The following MAGEC1 variants were observed in gnomAD, a reference collection of about 807,000 sequenced individuals.
MAGEC1 encodes MAGE family member C1.
MAGEC1 carries 3 observed loss-of-function variants against 1.5 expected under a neutral mutation model. That is an observed-to-expected ratio of 1.97 (90% CI 0.90 to 5.10). The LOEUF (loss-of-function observed/expected upper bound fraction) is 5.10. MAGEC1 is among the 30% of genes most tolerant of loss of function. The pLI is 0.02. For missense variants in MAGEC1, 985 were observed against 803.1 expected (o/e 1.23, Z -2.74); for synonymous variants, 357 against 310.4 (o/e 1.15, Z -1.58).
rs1337859042 is a variant in MAGEC1, at chrX:141,909,313, A to G, written c.*480A>G. ...TCTGTTGTTCTTGAAAACTAAAGAT[A>G]CATACCTGGTTTGCTTGGCTTACGT... On this transcript the variant is annotated 3_prime_UTR_variant, in exon 4 of 4. Transcript: ENST00000285879. 1 of 113,776 alleles carries G rather than the reference A, an allele frequency of 8.8e-6. No individual in the cohort carries two copies. Among genetic ancestry groups the G allele is most frequent in the Non-Finnish European group, 1.8e-5 (1 of 54,286 alleles). 9.4% of individuals were successfully genotyped at this position (113,776 alleles called of 1,213,427 possible). A position where few individuals can be genotyped will look rare whatever the true frequency, so the allele number is the denominator to read the frequency against.
Position 141,906,910 on chromosome X carries a change from T to G in MAGEC1, c.1506T>G (p.Thr502=). The change falls in exon 4 of 4, where the codon ACT becomes ACG. Residue 502 remains threonine (T), a synonymous_variant. Transcript: ENST00000285879. ...TTTTCCAGAGTTCCCCTGAGTGTAC[T>G]CAAAGTACTTTTGAGGGTTTTCCCC... is the stretch of plus-strand genomic sequence containing the variant. ...LSLFQSSPEC[T]QSTFEGFPQS... is the part of the protein sequence containing the mutation. The G allele has an allele frequency of 8.3e-7, 1 of 1,211,891 alleles. No individual in the cohort carries two copies. Among genetic ancestry groups the G allele is most frequent in the South Asian group, 1.8e-5 (1 of 56,977 alleles).
rs769737571 is a variant in MAGEC1, at chrX:141,907,746, CCTT to C, written c.2348_2350del (p.Phe783del). ...TCTCCTCTCCAGAGACCTGTCAGCT[CCTT>C]CTTCTCCTACACTTTAGCGAGTCTT... On this transcript the variant is annotated inframe_deletion, in exon 4 of 4. Coordinates refer to ENST00000285879, the MANE Select transcript of MAGEC1 (RefSeq NM_005462.5). 3.0e-4 allele frequency: 361 copies of C among 1,207,436 alleles called. 5 individuals carry two copies. In the South Asian group the frequency reaches 5.8e-3, roughly 19 times the overall value.
chrX:141,906,231 T>C lies in MAGEC1; in HGVS notation c.827T>C (p.Phe276Ser), dbSNP rs75148863. ...SSLQIPVSPS[F>S]SSTLVSLFQS... ...CTCCAGATTCCTGTGAGCCCCTCCTTCTCCTCCACTTTAGTGAGTCTTTTC... is the reference window on the plus strand; with the variant it reads ...CTCCAGATTCCTGTGAGCCCCTCCTCCTCCTCCACTTTAGTGAGTCTTTTC... The change falls in exon 4 of 4, where the codon TTC becomes TCC. Residue 276 changes from phenylalanine to serine, a missense_variant. By Grantham distance (155) the Phe-to-Ser change is radical. Coordinates refer to ENST00000285879, the MANE Select transcript of MAGEC1 (RefSeq NM_005462.5). The C allele has an allele frequency of 0.034, 23,149 of 675,467 alleles. 4,031 individuals carry two copies. The highest frequency in any genetic ancestry group is 0.054 in the Middle Eastern group (126 of 2,323). The allele number at this position is 675,467 out of a possible 1,213,427, so 55.7% of individuals were successfully genotyped here. A position where few individuals can be genotyped will look rare whatever the true frequency, so the allele number is the denominator to read the frequency against.
In MAGEC1 at chrX:141,908,412, T is replaced by C. The variant is rs1417242888; in HGVS notation, c.3008T>C (p.Ile1003Thr). 8.3e-7 allele frequency: 1 copy of C among 1,209,267 alleles called. No individual in the cohort carries two copies. Among genetic ancestry groups the C allele is most frequent in the Non-Finnish European group, 1.1e-6 (1 of 895,020 alleles). ...TCCCAGAACCGCCTCCTGATTCTTA[T>C]TCTGAGTATCATCTTCATAAAGGGC... ...GMSQNRLLIL[I>T]LSIIFIKGTY... The change falls in exon 4 of 4, where the codon ATT (isoleucine) becomes ACT (threonine). Residue 1003 changes from isoleucine to threonine, a missense_variant. Transcript: ENST00000285879.
rs768878053 is a variant in MAGEC1, at chrX:141,904,956, G to C, written c.-103-14G>C. Reference sequence around the variant, plus strand: ...CAGCTGTGCCCCGAGGTGCTTTCTCGCGTCCTTCTACAGGTTCCCAGAAGA... The same window carrying C: ...CAGCTGTGCCCCGAGGTGCTTTCTCCCGTCCTTCTACAGGTTCCCAGAAGA... On this transcript the variant is annotated splice_polypyrimidine_tract_variant and intron_variant, in intron 2 of 3. Transcript: ENST00000285879. The C allele has an allele frequency of 2.7e-6, 3 of 1,103,991 alleles. No individual in the cohort carries two copies. Among genetic ancestry groups the C allele is most frequent in the Non-Finnish European group, 3.7e-6 (3 of 802,744 alleles). 91.0% of individuals were successfully genotyped at this position (1,103,991 alleles called of 1,213,427 possible). A position where few individuals can be genotyped will look rare whatever the true frequency, so the allele number is the denominator to read the frequency against.
rs1331653729 is a variant in MAGEC1 at position 141,905,750 on chromosome X, C to G, written c.346C>G (p.Gln116Glu). Residue 116 changes from glutamine (Q) to glutamate (E), a missense_variant, in exon 4 of 4, where the codon CAG (glutamine) becomes GAG (glutamate). Physicochemically the swap from Gln to Glu is conservative, Grantham distance 29. Coordinates refer to ENST00000285879, the MANE Select transcript of MAGEC1 (RefSeq NM_005462.5). Reference protein sequence around the residue: ...KDSLSPLEISQSPPEGEDVQS... With the variant: ...KDSLSPLEISESPPEGEDVQS... ...CTCCCTGTCTCCTCTAGAGATTTCT[C>G]AGAGCCCTCCTGAGGGTGAGGATGT... 8.3e-7 allele frequency: 1 copy of G among 1,211,983 alleles called. No homozygotes were observed. Among genetic ancestry groups the G allele is most frequent in the South Asian group, 1.8e-5 (1 of 57,027 alleles).
At position 141,905,679 on chromosome X, in the gene MAGEC1, C is replaced by A. The variant is rs370966857; in HGVS notation, c.275C>A (p.Thr92Asn). The A allele has an allele frequency of 4.1e-5, 50 of 1,209,015 alleles. No homozygotes were observed. In the African/African-American group the frequency reaches 7.5e-4, roughly 18 times the overall value. The change falls in exon 4 of 4, where the codon ACC becomes AAC. Residue 92 changes from threonine (T) to asparagine (N), a missense_variant. By Grantham distance (65) the Thr-to-Asn change is moderately conservative. Coordinates refer to ENST00000285879, the MANE Select transcript of MAGEC1 (RefSeq NM_005462.5). ...CAGAGTTCTCCTGAGGGCGACGACA[C>A]CCAGTCTCCTCTCCAGAATTCTCAG... ...IPQSSPEGDDTQSPLQNSQSS... is the reference protein window; with the variant it reads ...IPQSSPEGDDNQSPLQNSQSS...
Position 141,906,540 on chromosome X carries a change from C to G in MAGEC1, c.1136C>G (p.Pro379Arg), listed in dbSNP as rs760984005. 62 of 1,194,407 alleles carry G rather than the reference C, an allele frequency of 5.2e-5. No individual in the cohort carries two copies. The highest frequency in any genetic ancestry group is 2.4e-4 in the East Asian group (8 of 32,920). ...TCTCCTCTCCAGATTCCTGGGAGCC[C>G]CTCCTTCTCCTCCACTTTACTGAGT... is the stretch of plus-strand genomic sequence containing the variant. ...PQSPLQIPGS[P>R]SFSSTLLSLF... The change falls in exon 4 of 4, where the codon CCC becomes CGC. Residue 379 changes from proline (P) to arginine (R), a missense_variant. By Grantham distance (103) the Pro-to-Arg change is moderately radical. Transcript: ENST00000285879.
In MAGEC1 at chrX:141,905,507, C is replaced by T. The variant is rs2018174525; in HGVS notation, c.103C>T (p.Leu35Phe). 1 of 1,209,565 alleles carries T rather than the reference C, an allele frequency of 8.3e-7. No homozygotes were observed. The highest frequency in any genetic ancestry group is 1.7e-5 in the African/African-American group (1 of 57,168). Residue 35 changes from leucine to phenylalanine, a missense_variant, in exon 4 of 4, where the codon CTC becomes TTC. Physicochemically the swap from Leu to Phe is conservative, Grantham distance 22 (BLOSUM62 0). Transcript: ENST00000285879. ...CPEGEDSQSP[L>F]QIPQSSPESD... ...TGAGGGGGAGGACTCCCAGTCTCCTCTCCAGATTCCCCAGAGTTCTCCTGA... is the reference window on the plus strand; with the variant it reads ...TGAGGGGGAGGACTCCCAGTCTCCTTTCCAGATTCCCCAGAGTTCTCCTGA...
Position 141,908,432 on chromosome X carries a change from A to G in MAGEC1, c.3028A>G (p.Lys1010Glu). 8.3e-7 allele frequency: 1 copy of G among 1,210,538 alleles called. No individual in the cohort carries two copies. Among genetic ancestry groups the G allele is most frequent in the Non-Finnish European group, 1.1e-6 (1 of 895,097 alleles). Residue 1010 changes from lysine (K) to glutamate (E), a missense_variant, in exon 4 of 4, where the codon AAG becomes GAG. Transcript: ENST00000285879. ...TCTTATTCTGAGTATCATCTTCATA[A>G]AGGGCACCTATGCCTCTGAGGAGGT... ...LILILSIIFI[K>E]GTYASEEVIW... is the part of the protein sequence containing the mutation.
Position 141,905,416 on chromosome X carries a change from G to C in MAGEC1, c.12G>C (p.Lys4Asn). Residue 4 changes from lysine (K) to asparagine (N), a missense_variant, in exon 4 of 4, where the codon AAG (lysine) becomes AAC (asparagine). Lys to Asn is a moderately conservative substitution (Grantham distance 94). Coordinates refer to ENST00000285879, the MANE Select transcript of MAGEC1 (RefSeq NM_005462.5). MGD[K>N]DMPTAGMPSL... ...TGCTTCTGCGTTCTCCAGGGGACAA[G>C]GATATGCCTACTGCTGGGATGCCGA... is the stretch of plus-strand genomic sequence containing the variant. 8.3e-7 allele frequency: 1 copy of C among 1,209,843 alleles called. No homozygotes were observed. The highest frequency in any genetic ancestry group is 1.1e-6 in the Non-Finnish European group (1 of 894,253).
At position 141,908,776 on chromosome X, in the gene MAGEC1, G is replaced by T. The variant is rs771936699; in HGVS notation, c.3372G>T (p.Ser1124=). 3.3e-6 allele frequency: 4 copies of T among 1,207,961 alleles called. No individual in the cohort carries two copies. In the African/African-American group the frequency reaches 7.0e-5, roughly 21 times the overall value. The change falls in exon 4 of 4, where the codon TCG becomes TCT. Residue 1124 remains serine, a synonymous_variant. Transcript: ENST00000285879. ...AQAIIDTTDD[S]TATESASSSV... ...CCATAATTGACACCACAGATGATTC[G>T]ACTGCCACAGAAAGTGCAAGCTCCA...
chrX:141,907,805 C>T lies in MAGEC1; in HGVS notation c.2401C>T (p.Pro801Ser), dbSNP rs1296844911. ...AAGTTCCCATGAGAGTCCTCAGAGT[C>T]CTCCTGAGGGGCCTGCCCAGTCTCC... ...LQSSHESPQS[P>S]PEGPAQSPLQ... is the part of the protein sequence containing the mutation. The change falls in exon 4 of 4, where the codon CCT (proline) becomes TCT (serine). Residue 801 changes from proline (P) to serine (S), a missense_variant. Physicochemically the swap from Pro to Ser is moderately conservative, Grantham distance 74. Coordinates refer to ENST00000285879, the MANE Select transcript of MAGEC1 (RefSeq NM_005462.5). The T allele has an allele frequency of 8.3e-7, 1 of 1,207,994 alleles. No homozygotes were observed. Among genetic ancestry groups the T allele is most frequent in the Non-Finnish European group, 1.1e-6 (1 of 894,298 alleles).
chrX:141,905,273 G>C, intron 3 of MAGEC1, 136 bp from the exon 4 acceptor site: 1 of 831,456 alleles, frequency 1.2e-6, no homozygotes, highest in Non-Finnish European at 1.7e-6. Flanking sequence ...GTTGGTAGAT[G>C]CAGAGGATCC....
Position 141,906,224 on chromosome X carries a change from C to T in MAGEC1, c.820C>T (p.Pro274Ser), listed in dbSNP as rs146798989. 295 of 782,184 alleles carry T rather than the reference C, an allele frequency of 3.8e-4. 33 individuals carry two copies. Among genetic ancestry groups the T allele is most frequent in the South Asian group, 1.1e-3 (41 of 37,180 alleles). 64.5% of individuals were successfully genotyped at this position (782,184 alleles called of 1,213,427 possible). A position where few individuals can be genotyped will look rare whatever the true frequency, so the allele number is the denominator to read the frequency against. Residue 274 changes from proline to serine, a missense_variant, in exon 4 of 4, where the codon CCC (proline) becomes TCC (serine). Coordinates refer to ENST00000285879, the MANE Select transcript of MAGEC1 (RefSeq NM_005462.5). ...GTCTTCTCTCCAGATTCCTGTGAGCCCCTCCTTCTCCTCCACTTTAGTGAG... is the reference window on the plus strand; with the variant it reads ...GTCTTCTCTCCAGATTCCTGTGAGCTCCTCCTTCTCCTCCACTTTAGTGAG... The part of the protein sequence containing the change: ...AQSSLQIPVS[P>S]SFSSTLVSLF...
Position 141,908,186 on chromosome X carries a change from C to T in MAGEC1, c.2782C>T (p.Pro928Ser). 1 of 1,211,740 alleles carries T rather than the reference C, an allele frequency of 8.3e-7. No homozygotes were observed. Among genetic ancestry groups the T allele is most frequent in the Non-Finnish European group, 1.1e-6 (1 of 895,536 alleles). Reference sequence around the variant, plus strand: ...TCTCCTCAAATATCAAGTGAAGCAGCCTATCACAAAGGCAGAGATGCTGAC... The same window carrying T: ...TCTCCTCAAATATCAAGTGAAGCAGTCTATCACAAAGGCAGAGATGCTGAC... ...FLLLKYQVKQ[P>S]ITKAEMLTNV... is the part of the protein sequence containing the mutation. The change falls in exon 4 of 4, where the codon CCT (proline) becomes TCT (serine). Residue 928 changes from proline to serine, a missense_variant. Coordinates refer to ENST00000285879, the MANE Select transcript of MAGEC1 (RefSeq NM_005462.5).
rs1926967309 is a variant in MAGEC1, at chrX:141,907,311, C to T, written c.1907C>T (p.Thr636Ile). The T allele has an allele frequency of 2.5e-6, 3 of 1,206,655 alleles. No individual in the cohort carries two copies. Among genetic ancestry groups the T allele is most frequent in the African/African-American group, 3.6e-5 (2 of 56,044 alleles). The change falls in exon 4 of 4, where the codon ACT (threonine) becomes ATT (isoleucine). Residue 636 changes from threonine to isoleucine, a missense_variant. Thr to Ile is a moderately conservative substitution (Grantham distance 89). Coordinates refer to ENST00000285879, the MANE Select transcript of MAGEC1 (RefSeq NM_005462.5). ...CCTGTGAGCATCTGCTCCTCCTCCACTCCATCCAGTCTTCCCCAGAGTTTC... is the reference window on the plus strand; with the variant it reads ...CCTGTGAGCATCTGCTCCTCCTCCATTCCATCCAGTCTTCCCCAGAGTTTC... The part of the protein sequence containing the change: ...QSPVSICSSS[T>I]PSSLPQSFPE...
chrX:141,905,198 C>G, intron 3 of MAGEC1, 122 bp downstream of exon 3: 1 of 1,085,132 alleles, frequency 9.2e-7, no homozygotes, highest in Non-Finnish European at 1.3e-6. Flanking sequence ...CATCATGCCT[C>G]TCTTTCTAAA....
chrX:141,906,888 T>C lies in MAGEC1; in HGVS notation c.1484T>C (p.Phe495Ser). 8.3e-7 allele frequency: 1 copy of C among 1,210,839 alleles called. No individual in the cohort carries two copies. Among genetic ancestry groups the C allele is most frequent in the East Asian group, 3.0e-5 (1 of 33,702 alleles). The change falls in exon 4 of 4, where the codon TTC (phenylalanine) becomes TCC (serine). Residue 495 changes from phenylalanine (F) to serine (S), a missense_variant. Phe to Ser is a radical substitution (Grantham distance 155, BLOSUM62 -2). Coordinates refer to ENST00000285879, the MANE Select transcript of MAGEC1 (RefSeq NM_005462.5). Reference sequence around the variant, plus strand: ...TCCTCCTCCACTTTATTGAGTCTTTTCCAGAGTTCCCCTGAGTGTACTCAA... The same window carrying C: ...TCCTCCTCCACTTTATTGAGTCTTTCCCAGAGTTCCCCTGAGTGTACTCAA... The part of the protein sequence containing the change: ...SSSSSTLLSL[F>S]QSSPECTQST...
Sources: allele counts gnomAD v4.1 joint callset, GRCh38; gene constraint gnomAD v4.1.1; transcripts MANE v1.5; gene names NCBI Gene and HGNC (gene_info 2026-07-23, HGNC 2026-07-21).